The following FRMD7 variants were observed in gnomAD, a reference collection of about 807,000 sequenced individuals.
The protein encoded by FRMD7 is FERM domain-containing protein 7.
FRMD7 carries 14 observed loss-of-function variants against 44.1 expected under a neutral mutation model. The ratio of observed to expected loss-of-function variants is 0.32; its 90% CI spans 0.21 to 0.50. The LOEUF is 0.50. FRMD7 is among the 20% of genes least tolerant of loss of function. FRMD7 has a pLI of 0.99. For synonymous variants in FRMD7, 212 were observed against 187.4 expected (o/e 1.13, Z -1.07); for missense variants, 501 against 522.3 (o/e 0.96, Z 0.40).
intron 4 of FRMD7, among the ~76,000 whole-genome samples, chrX:132,095,063 T>C (rs1236636607): frequency 4.4e-5 from 1 of 22,969 alleles, no homozygotes; most frequent in African/African-American, 1.4e-4. Context: ...CAATATTTTA[T>C]TTATTTATTT....
At chrX:132,083,673 T>A (rs1927893265) in intron 8 of FRMD7, among the ~76,000 whole-genome samples, 1 of 112,491 alleles carries the variant, frequency 8.9e-6, no homozygotes, top group African/African-American at 3.2e-5. Flanking sequence ...ATAAGAAAAT[T>A]CCTTTCTAGA....
At chrX:132,110,042 T>C (rs1370501871) in intron 1 of FRMD7, among the ~76,000 whole-genome samples, 1 of 111,046 alleles carries the variant, frequency 9.0e-6, no homozygotes, top group Non-Finnish European at 1.9e-5. Flanking sequence ...CAGAGTTGTG[T>C]CTTAGAGACA....
At chrX:132,084,773 G>A (rs189337819) in intron 7 of FRMD7, among the ~76,000 whole-genome samples, 188 bp from the exon 8 acceptor site, 37 of 111,591 alleles carry the variant, frequency 3.3e-4, no homozygotes, top group Non-Finnish European at 6.0e-4. Flanking sequence ...ATACAAGGAT[G>A]CTCTGGAATG....
At chrX:132,110,393 G>A (rs1231563753) in intron 1 of FRMD7, among the ~76,000 whole-genome samples, 1 of 110,921 alleles carries the variant, frequency 9.0e-6, no homozygotes, top group Admixed American at 9.6e-5. Flanking sequence ...TCTGTAATAG[G>A]TGCAGTTGGA....
rs1927664922 is a variant in FRMD7, at chrX:132,078,033, A to G, written c.1984T>C (p.Tyr662His). 1.7e-6 allele frequency: 2 copies of G among 1,208,364 alleles called. No individual in the cohort carries two copies. The highest frequency in any genetic ancestry group is 3.5e-5 in the African/African-American group (2 of 57,049). ...DSESEILKPDYYALYGKEIRS... is the reference protein window; with the variant it reads ...DSESEILKPDHYALYGKEIRS... ...ATTTCTTTGCCATACAAAGCATAGT[A>G]GTCTGGTTTAAGAATCTCTGATTCA... The change falls in exon 12 of 12, where the codon TAC becomes CAC. Residue 662 changes from tyrosine (Y) to histidine (H), a missense_variant. Coordinates refer to ENST00000298542, the MANE Select transcript of FRMD7 (RefSeq NM_194277.3).
chrX:132,081,826 G>T (rs1466327917), intron 9 of FRMD7, among the ~76,000 whole-genome samples: 1 of 111,822 alleles, frequency 8.9e-6, no homozygotes, highest in Non-Finnish European at 1.9e-5. Flanking sequence ...TGCACAACGT[G>T]CAGGTTTGTT....
chrX:132,105,933 C>T (rs1369442092), intron 1 of FRMD7, among the ~76,000 whole-genome samples: 2 of 103,656 alleles, frequency 1.9e-5, no homozygotes, highest in East Asian at 5.6e-4. Context: ...ATAACACCAT[C>T]CTGGACATAG....
intron 9 of FRMD7, among the ~76,000 whole-genome samples, chrX:132,081,372 A>AC (rs993202756): frequency 7.1e-5 from 8 of 112,190 alleles, no homozygotes; most frequent in African/African-American, 2.3e-4. Context: ...AACAAAAAAA[A>AC]ACACAAGAAT....
chrX:132,102,292 A>G (rs997935054), intron 1 of FRMD7, among the ~76,000 whole-genome samples: 1 of 112,042 alleles, frequency 8.9e-6, no homozygotes, highest in Admixed American at 9.4e-5. Context: ...GGTTAACCCC[A>G]GTCCGATTTT....
chrX:132,126,149 A>G (rs1014888500), intron 1 of FRMD7, among the ~76,000 whole-genome samples: 6 of 111,326 alleles, frequency 5.4e-5, no homozygotes, highest in African/African-American at 2.0e-4. Flanking sequence ...CAGAGAAGGT[A>G]CTATTGGATG....
chrX:132,078,807 A>C lies in FRMD7; in HGVS notation c.1210T>G (p.Leu404Val). ...EHSKPEADPTLLHQSQSSSSF... is the reference protein window; with the variant it reads ...EHSKPEADPTVLHQSQSSSSF... ...GAACTGCTTTGGGACTGATGTAGCA[A>C]TGTGGGATCCGCCTCTGGTTTGGAA... Residue 404 changes from leucine (L) to valine (V), a missense_variant, in exon 12 of 12, where the codon TTG becomes GTG. Leu to Val is a conservative substitution (Grantham distance 32). Around this residue, in one of 3 missense-constraint regions of FRMD7, gnomAD observed 453 missense variants for 452.7 expected, o/e 1.00. Transcript: ENST00000298542. The C allele has an allele frequency of 5.0e-6, 6 of 1,211,286 alleles. No homozygotes were observed. Among genetic ancestry groups the C allele is most frequent in the Non-Finnish European group, 6.7e-6 (6 of 895,254 alleles).
At chrX:132,123,673 C>T (rs1010439670) in intron 1 of FRMD7, among the ~76,000 whole-genome samples, 7 of 112,490 alleles carry the variant, frequency 6.2e-5, no homozygotes, top group African/African-American at 2.3e-4. Flanking sequence ...GGCACTGCCT[C>T]TCTGTCTCTT....
chrX:132,089,010 T>C (rs1304272570), intron 5 of FRMD7, among the ~76,000 whole-genome samples: 4 of 112,147 alleles, frequency 3.6e-5, no homozygotes, highest in African/African-American at 1.3e-4. Flanking sequence ...AAAATTTACA[T>C]GGAAATGCAC....
chrX:132,088,039 C>T (rs1427747558), intron 5 of FRMD7, among the ~76,000 whole-genome samples: 1 of 112,030 alleles, frequency 8.9e-6, no homozygotes. Flanking sequence ...AAACAAAACA[C>T]TTAACAAACA....
At position 132,078,259 on chromosome X, in the gene FRMD7, G is replaced by A. The variant is rs759241920; in HGVS notation, c.1758C>T (p.Thr586=). 1 of 1,210,765 alleles carries A rather than the reference G, an allele frequency of 8.3e-7. No individual in the cohort carries two copies. The highest frequency in any genetic ancestry group is 2.2e-5 in the Admixed American group (1 of 46,011). The part of the protein sequence containing the change: ...DAFVCNIQEQ[T]PKRSQSQSDM... ...CTGATTGGCTCTGGGACCTTTTAGG[G>A]GTTTGCTCTTGAATGTTACATACAA... The change falls in exon 12 of 12, where the codon ACC becomes ACT. Residue 586 remains threonine, a synonymous_variant. Coordinates refer to ENST00000298542, the MANE Select transcript of FRMD7 (RefSeq NM_194277.3).
At chrX:132,089,760 A>C (rs1472123790) in intron 5 of FRMD7, among the ~76,000 whole-genome samples, 1 of 112,172 alleles carries the variant, frequency 8.9e-6, no homozygotes, top group African/African-American at 3.2e-5. Flanking sequence ...CATTAGGAAA[A>C]TGCTAATTAA....
chrX:132,099,364 C>T, intron 3 of FRMD7, 104 bp downstream of exon 3: 1 of 629,319 alleles, frequency 1.6e-6, no homozygotes. Flanking sequence ...ATCTCAAAGC[C>T]CTTTTCTCCC....
At chrX:132,096,876 G>C (rs1317603591) in intron 4 of FRMD7, among the ~76,000 whole-genome samples, 1 of 111,534 alleles carries the variant, frequency 9.0e-6, no homozygotes, top group Non-Finnish European at 1.9e-5. Context: ...TTTGTCTTCT[G>C]TGAGATACAT....
At chrX:132,122,203 C>G (rs1929051407) in intron 1 of FRMD7, among the ~76,000 whole-genome samples, 1 of 111,932 alleles carries the variant, frequency 8.9e-6, no homozygotes, top group South Asian at 3.7e-4. Context: ...GGAACCTTAT[C>G]CCTGATATCT....
Sources: gnomAD v4.1 joint callset for allele counts (sites outside exome capture counted in the v4.1 genomes callset) on GRCh38, gnomAD v4.1.1 for gene constraint, gnomAD v4.1.1 regional missense constraint, MANE v1.5 for transcripts, NCBI Gene and HGNC (gene_info 2026-07-23, HGNC 2026-07-21) for gene names.